Variants in TTC28 observed in about 807,000 individuals in gnomAD.
TTC28 encodes the protein tetratricopeptide repeat protein 28.
Under a neutral mutation model 198.0 loss-of-function variants are expected in TTC28, and 61 were observed. The ratio of observed to expected loss-of-function variants is 0.31; its 90% confidence interval spans 0.25 to 0.38. The LOEUF (loss-of-function observed/expected upper bound fraction) is 0.38. Ranked by LOEUF, TTC28 falls within the 10% of genes least tolerant of loss-of-function variation. The pLI, the probability that TTC28 is intolerant of heterozygous loss-of-function variation, is 1.00. For synonymous variants in TTC28, 1,171 were observed against 1,297.8 expected (o/e 0.90, Z 2.10); for missense variants, 2,678 against 3,164.0 (o/e 0.85, Z 3.69).
At chr22:28,630,673 C>T (rs1351085570) in intron 1 of TTC28, among the ~76,000 whole-genome samples, 2 of 152,118 alleles carry the variant, frequency 1.3e-5, no homozygotes, top group African/African-American at 4.8e-5. Context: ...CCTCAATAAA[C>T]ACAAACATTC....
At chr22:28,063,304 G>A (rs1022363294) in intron 12 of TTC28, among the ~76,000 whole-genome samples, 9 of 152,122 alleles carry the variant, frequency 5.9e-5, no homozygotes, top group Non-Finnish European at 1.0e-4. Context: ...TGTCCTGAAT[G>A]CTGTCATCTG....
intron 5 of TTC28, among the ~76,000 whole-genome samples, chr22:28,251,824 T>TTC (rs377432083): frequency 6.6e-6 from 1 of 151,872 alleles, no homozygotes; most frequent in East Asian, 1.9e-4. Context: ...GAATCAGAAA[T>TTC]TCTCTCTCTC....
At chr22:28,451,338 A>G (rs2047775325) in intron 2 of TTC28, among the ~76,000 whole-genome samples, 1 of 152,172 alleles carries the variant, frequency 6.6e-6, no homozygotes, top group Non-Finnish European at 1.5e-5. Flanking sequence ...CACTCTAACA[A>G]AGCTTACAAA....
chr22:28,061,358 A>G (rs1192142429), intron 12 of TTC28, among the ~76,000 whole-genome samples: 1 of 152,200 alleles, frequency 6.6e-6, no homozygotes, highest in Non-Finnish European at 1.5e-5. Context: ...TAGGTCTAAC[A>G]CTTAAGTCTT....
intron 2 of TTC28, among the ~76,000 whole-genome samples, chr22:28,460,626 GATAGATAGATAGATAGAT>G (rs1160514151): frequency 1.7e-5 from 2 of 119,730 alleles, no homozygotes; most frequent in African/African-American, 6.9e-5. Flanking sequence ...TAGATAGATA[GATAGATAGATAGATAGAT>G]AGATAGATAG....
intron 6 of TTC28, among the ~76,000 whole-genome samples, chr22:28,134,316 A>C (rs1318508380): frequency 6.6e-6 from 1 of 152,234 alleles, no homozygotes; most frequent in East Asian, 1.9e-4. Context: ...CCCCCTCCAA[A>C]GGAATGCAGC....
At chr22:28,368,043 A>G (rs1244966965) in intron 2 of TTC28, among the ~76,000 whole-genome samples, 1 of 152,106 alleles carries the variant, frequency 6.6e-6, no homozygotes, top group Non-Finnish European at 1.5e-5. Flanking sequence ...GAGAGAATAC[A>G]TCCAAACTCA....
chr22:28,498,323 CTT>C (rs1661757777), intron 2 of TTC28, among the ~76,000 whole-genome samples: 1 of 152,142 alleles, frequency 6.6e-6, no homozygotes, highest in South Asian at 2.1e-4. Context: ...ATGCAGTTCA[CTT>C]TGTTTGTTTT....
chr22:28,192,564 TA>T (rs1429165051), intron 5 of TTC28, among the ~76,000 whole-genome samples: 1 of 152,110 alleles, frequency 6.6e-6, no homozygotes, highest in African/African-American at 2.4e-5. Context: ...GATGAATGGC[TA>T]ACTAGAATAA....
intron 5 of TTC28, among the ~76,000 whole-genome samples, chr22:28,233,098 G>C (rs1928942236): frequency 6.6e-6 from 1 of 150,486 alleles, no homozygotes; most frequent in Admixed American, 6.6e-5. Context: ...GTGAAACTCT[G>C]TCTCAAAAAA....
chr22:28,620,225 C>T (rs958961901), intron 2 of TTC28, among the ~76,000 whole-genome samples: 12 of 151,990 alleles, frequency 7.9e-5, no homozygotes, highest in African/African-American at 2.9e-4. Flanking sequence ...TGGTGCACAC[C>T]TGTAATCCCA....
At chr22:28,014,116 G>T in intron 14 of TTC28, 132 bp downstream of exon 14, 1 of 1,131,176 alleles carries the variant, frequency 8.8e-7, no homozygotes, top group Non-Finnish European at 1.2e-6. Flanking sequence ...GGACAGAGCG[G>T]ACTTGTGTTC....
chr22:28,013,708 G>A (rs1938245185), intron 14 of TTC28, among the ~76,000 whole-genome samples: 1 of 152,148 alleles, frequency 6.6e-6, no homozygotes, highest in Non-Finnish European at 1.5e-5. Context: ...GTGGGCGCAA[G>A]GTGCAAAGAA....
chr22:28,604,741 G>A (rs2050703456), intron 2 of TTC28, among the ~76,000 whole-genome samples: 1 of 151,734 alleles, frequency 6.6e-6, no homozygotes, highest in South Asian at 2.1e-4. Flanking sequence ...CAAGACTCCA[G>A]CTCAAAAAAA....
chr22:28,107,050 G>T lies in TTC28; in HGVS notation c.2783+12C>A, dbSNP rs781126204. 1.9e-4 allele frequency: 297 copies of T among 1,538,396 alleles called. No homozygotes were observed. The highest frequency in any genetic ancestry group is 2.5e-4 in the Non-Finnish European group (286 of 1,138,560). On this transcript the variant is annotated intron_variant, in intron 7 of 22. Transcript: ENST00000397906. ...AGAACTATAAACCACAATTGTCCTT[G>T]GTCATTTTTACCTGTGTCCATTTCC... is the stretch of plus-strand genomic sequence containing the variant.
intron 2 of TTC28, among the ~76,000 whole-genome samples, chr22:28,363,472 A>G (rs1442742787): frequency 1.3e-5 from 2 of 152,172 alleles, no homozygotes; most frequent in Non-Finnish European, 2.9e-5. Context: ...CTAGGGCAGT[A>G]TGGAAGGAAG....
intron 2 of TTC28, among the ~76,000 whole-genome samples, chr22:28,461,155 T>A (rs2047944393): frequency 6.6e-6 from 1 of 152,212 alleles, no homozygotes; most frequent in Non-Finnish European, 1.5e-5. Flanking sequence ...TCTATATAGT[T>A]ACCTTCTATT....
At chr22:28,335,485 G>A (rs1410537379) in intron 2 of TTC28, among the ~76,000 whole-genome samples, 1 of 152,180 alleles carries the variant, frequency 6.6e-6, no homozygotes, top group Non-Finnish European at 1.5e-5. Flanking sequence ...TCCTACTCAT[G>A]AGCATAGAAT....
At chr22:28,508,876 G>A (rs181859532) in intron 2 of TTC28, among the ~76,000 whole-genome samples, 113 of 152,146 alleles carry the variant, frequency 7.4e-4, no homozygotes, top group Middle Eastern at 3.4e-3. Context: ...TGGATCAAGT[G>A]GACCTGATAG....
Sources: allele counts gnomAD v4.1 joint callset (sites outside exome capture counted in the v4.1 genomes callset), GRCh38; gene constraint gnomAD v4.1.1; transcripts MANE v1.5; gene names NCBI Gene and HGNC (gene_info 2026-07-23, HGNC 2026-07-21).